NRXN1: variants seen among roughly 807,000 people sequenced by gnomAD.
NRXN1 encodes neurexin-1.
Under a neutral mutation model 150.9 loss-of-function variants are expected in NRXN1, and 39 were observed. That is an observed-to-expected ratio of 0.26 (90% CI 0.20 to 0.34). The LOEUF is 0.34. Ranked by LOEUF, NRXN1 falls within the 10% of genes least tolerant of loss-of-function variation. The pLI is 1.00. For synonymous variants in NRXN1, 924 were observed against 757.0 expected (o/e 1.22, Z -3.62); for missense variants, 1,815 against 1,949.9 (o/e 0.93, Z 1.30).
At chr2:50,256,876 G>C (rs1429045171) in intron 17 of NRXN1, among the ~76,000 whole-genome samples, 1 of 151,994 alleles carries the variant, frequency 6.6e-6, no homozygotes, top group Non-Finnish European at 1.5e-5. Flanking sequence ...AGCTGCTTCA[G>C]ACTTCGAGAT....
chr2:50,467,209 T>G (rs1486190467), intron 16 of NRXN1, among the ~76,000 whole-genome samples: 1 of 151,732 alleles, frequency 6.6e-6, no homozygotes, highest in East Asian at 1.9e-4. Flanking sequence ...TTTCTACACT[T>G]TCACAAGTAT....
chr2:50,996,205 G>A (rs997077030), intron 2 of NRXN1, among the ~76,000 whole-genome samples: 15 of 152,218 alleles, frequency 9.9e-5, no homozygotes, highest in Middle Eastern at 3.4e-3. Context: ...GAAGTGAGAA[G>A]GGAGGTGGTA....
intron 17 of NRXN1, among the ~76,000 whole-genome samples, chr2:50,450,634 G>A (rs895597478): frequency 1.3e-5 from 2 of 152,062 alleles, no homozygotes; most frequent in African/African-American, 2.4e-5. Flanking sequence ...TATACAGAGT[G>A]GAACTACACA....
rs1818715 is a variant in NRXN1, at chr2:50,382,833, C to G, written c.3364+82609G>C. ...TCTTGATTCTAATGAAAAGTCACAGCTTTTACTGGTAATGCCCTGAAGACC... is the reference window on the plus strand; with the variant it reads ...TCTTGATTCTAATGAAAAGTCACAGGTTTTACTGGTAATGCCCTGAAGACC... On this transcript the variant is annotated intron_variant, in intron 17 of 22. Transcript: ENST00000401669. 6.0e-3 allele frequency among the ~76,000 whole-genome samples: 917 copies of G among 152,018 alleles called. 10 individuals carry two copies. The highest frequency in any genetic ancestry group is 7.1e-3 in the Non-Finnish European group (481 of 67,968).
intron 5 of NRXN1, among the ~76,000 whole-genome samples, chr2:50,752,850 G>A (rs374590184): frequency 5.3e-4 from 80 of 151,822 alleles, no homozygotes; most frequent in African/African-American, 1.6e-3. Flanking sequence ...GTGATTTCCC[G>A]TTCTCTGCAA....
At position 50,531,418 on chromosome 2, in the gene NRXN1, A is replaced by G; in HGVS notation, c.2156T>C (p.Leu719Ser). ...CATAAACATGCTCCCATCATAGCTC[A>G]AAACCGTTGCCTCTAGAGATGGAAA... is the stretch of plus-strand genomic sequence containing the variant. The part of the protein sequence containing the change: ...GRSCEREATV[L>S]SYDGSMFMKI... The change falls in exon 11 of 23, where the codon TTG becomes TCG. Residue 719 changes from leucine to serine, a missense_variant. Leu to Ser is a moderately radical substitution (Grantham distance 145). Coordinates refer to ENST00000401669, the MANE Select transcript of NRXN1 (RefSeq NM_001330078.2). 1 of 1,610,872 alleles carries G rather than the reference A, an allele frequency of 6.2e-7. No individual in the cohort carries two copies. The highest frequency in any genetic ancestry group is 8.5e-7 in the Non-Finnish European group (1 of 1,178,430).
At chr2:50,216,886 TAC>T (rs1333417472) in intron 18 of NRXN1, among the ~76,000 whole-genome samples, 1 of 152,110 alleles carries the variant, frequency 6.6e-6, no homozygotes, top group Non-Finnish European at 1.5e-5. Context: ...TTCTAAATTA[TAC>T]ACAGTGTGTT....
chr2:51,024,192 G>A (rs920539192), intron 2 of NRXN1, among the ~76,000 whole-genome samples: 7 of 152,054 alleles, frequency 4.6e-5, no homozygotes, highest in African/African-American at 1.4e-4. Flanking sequence ...CCATAACAAC[G>A]GTCCAGGCAC....
At chr2:50,883,421 CTTTT>C (rs11388531) in intron 5 of NRXN1, among the ~76,000 whole-genome samples, 3 of 143,996 alleles carry the variant, frequency 2.1e-5, no homozygotes, top group African/African-American at 7.6e-5. Flanking sequence ...ACATTTACAT[CTTTT>C]TTTTTTTTTG....
At chr2:50,629,581 T>C (rs187599340) in intron 5 of NRXN1, among the ~76,000 whole-genome samples, 10 of 151,726 alleles carry the variant, frequency 6.6e-5, no homozygotes, top group Non-Finnish European at 1.0e-4. Flanking sequence ...TACCTGGACA[T>C]TTATGCTACA....
At chr2:50,303,900 G>C (rs2074382391) in intron 17 of NRXN1, among the ~76,000 whole-genome samples, 1 of 148,120 alleles carries the variant, frequency 6.8e-6, no homozygotes, top group Non-Finnish European at 1.5e-5. Context: ...ATATTCCCAA[G>C]TATACCTTAG....
chr2:50,023,182 C>T (rs772820113), intron 21 of NRXN1: 2 of 152,174 alleles, frequency 1.3e-5, no homozygotes, highest in African/African-American at 2.4e-5. Flanking sequence ...AAGTGTTTCT[C>T]TCATTCTTCC....
chr2:50,823,866 T>C (rs553295430), intron 5 of NRXN1, among the ~76,000 whole-genome samples: 47 of 152,264 alleles, frequency 3.1e-4, no homozygotes, highest in Admixed American at 1.4e-3. Context: ...TAAATTTAAT[T>C]CTTGTATATT....
chr2:50,730,928 C>T (rs369678456), intron 5 of NRXN1, among the ~76,000 whole-genome samples: 1 of 152,150 alleles, frequency 6.6e-6, no homozygotes, highest in East Asian at 1.9e-4. Flanking sequence ...CTGCCTCCGC[C>T]TCCCAAAGTG....
intron 5 of NRXN1, chr2:50,631,169 T>G (rs931595753): frequency 2.4e-5 from 10 of 424,042 alleles, no homozygotes; most frequent in African/African-American, 2.2e-4. Flanking sequence ...ATTCTAAAAT[T>G]ACCAACTATT....
chr2:50,726,280 C>T (rs760683604), intron 5 of NRXN1, among the ~76,000 whole-genome samples: 1 of 152,236 alleles, frequency 6.6e-6, no homozygotes, highest in Non-Finnish European at 1.5e-5. Context: ...TCCTCAAACA[C>T]TTCCTTGAAG....
In NRXN1 at chr2:50,497,615, A is replaced by T. The variant is rs796052779; in HGVS notation, c.2597T>A (p.Ile866Asn). The T allele has an allele frequency of 2.5e-6, 4 of 1,613,942 alleles. No individual in the cohort carries two copies. Among genetic ancestry groups the T allele is most frequent in the Non-Finnish European group, 3.4e-6 (4 of 1,179,860 alleles). Residue 866 changes from isoleucine to asparagine, a missense_variant, in exon 14 of 23, where the codon ATT (isoleucine) becomes AAT (asparagine). By Grantham distance (149) the Ile-to-Asn change is moderately radical (BLOSUM62 -3). This residue lies in a region of NRXN1 where 638 missense variants were observed against 652.6 expected (regional missense o/e 0.98). Coordinates refer to ENST00000401669, the MANE Select transcript of NRXN1 (RefSeq NM_001330078.2). ...AAATGTCAAGCTCTGCAGGTGTCCA[A>T]TGAAGTTGGAGGGGACAGAAGAAAG... ...RYLSSVPSNF[I>N]GHLQSLTFNG... is the part of the protein sequence containing the mutation.
intron 17 of NRXN1, among the ~76,000 whole-genome samples, chr2:50,349,930 T>C (rs1249726136): frequency 1.3e-5 from 2 of 152,090 alleles, no homozygotes; most frequent in Non-Finnish European, 2.9e-5. Context: ...GGGACAAGAG[T>C]CAAGTCTTCA....
intron 22 of NRXN1, among the ~76,000 whole-genome samples, chr2:49,940,128 G>T (rs1036552980): frequency 2.0e-5 from 3 of 152,138 alleles, no homozygotes; most frequent in Admixed American, 6.6e-5. Context: ...AGAGTGATTA[G>T]AAAACTCATG....
Sources: allele counts gnomAD v4.1 joint callset (sites outside exome capture counted in the v4.1 genomes callset), GRCh38; gene constraint gnomAD v4.1.1; regional missense constraint gnomAD v4.1.1; transcripts MANE v1.5; gene names NCBI Gene and HGNC (gene_info 2026-07-23, HGNC 2026-07-21).